COL22A1: variants seen among roughly 807,000 people sequenced by gnomAD.
The protein encoded by COL22A1 is collagen type XXII alpha 1 chain.
In COL22A1, 221 loss-of-function variants were observed where a neutral mutation model predicts 248.9. The observed-to-expected ratio is 0.89, with a 90% confidence interval of 0.80 to 0.99. The LOEUF (loss-of-function observed/expected upper bound fraction) is 0.99. Ranked by LOEUF, COL22A1 falls within the 50% of genes least tolerant of loss-of-function variation. The pLI is 0.00. For synonymous variants in COL22A1, 891 were observed against 793.4 expected (o/e 1.12, Z -2.07); for missense variants, 2,240 against 2,179.0 (o/e 1.03, Z -0.56).
chr8:138,884,933 G>A (rs1487182663), intron 1 of COL22A1, among the ~76,000 whole-genome samples: 1 of 152,092 alleles, frequency 6.6e-6, no homozygotes, highest in Non-Finnish European at 1.5e-5. Flanking sequence ...ATAGCAACAG[G>A]GCTGTGCCTG....
intron 36 of COL22A1, among the ~76,000 whole-genome samples, 187 bp from the exon 37 acceptor site, chr8:138,689,157 C>CA (rs1826613596): frequency 1.1e-5 from 1 of 87,620 alleles, no homozygotes; most frequent in Non-Finnish European, 2.5e-5. Flanking sequence ...TGCTGCTCTC[C>CA]CGGGGGGGGG....
intron 30 of COL22A1, among the ~76,000 whole-genome samples, chr8:138,714,542 G>T (rs1829285742): frequency 6.6e-6 from 1 of 152,174 alleles, no homozygotes; most frequent in Non-Finnish European, 1.5e-5. Flanking sequence ...CTCTGGGACA[G>T]CTCCCTCCCC....
intron 16 of COL22A1, among the ~76,000 whole-genome samples, chr8:138,772,962 G>GA (rs1834509303): frequency 6.6e-6 from 1 of 152,240 alleles, no homozygotes; most frequent in Non-Finnish European, 1.5e-5. Flanking sequence ...GCTGAGTGCT[G>GA]GGAGGCGTCT....
chr8:138,716,699 G>C, intron 28 of COL22A1, 126 bp downstream of exon 28: 1 of 717,540 alleles, frequency 1.4e-6, no homozygotes, highest in East Asian at 2.7e-5. Flanking sequence ...GTTTATCCTG[G>C]ACATATAGTG....
intron 54 of COL22A1, 105 bp from the exon 55 acceptor site, chr8:138,616,159 G>A (rs1819303585): frequency 1.2e-5 from 11 of 943,874 alleles, no homozygotes; most frequent in Non-Finnish European, 1.7e-5. Flanking sequence ...AGGCCCAGGG[G>A]CCCTGTCAAC....
In COL22A1 at chr8:138,663,688, T is replaced by C. The variant is rs140960138; in HGVS notation, c.3186+17A>G. On this transcript the variant is annotated intron_variant, in intron 42 of 64. Transcript: ENST00000303045. ...CCTCCCATAGAAACTCATCCCTTTA[T>C]TTAAAGCATACTGTACCGGGGATCC... 7,783 of 1,595,632 alleles carry C rather than the reference T, an allele frequency of 4.9e-3. 28 individuals carry two copies. The highest frequency in any genetic ancestry group is 5.6e-3 in the Non-Finnish European group (6,504 of 1,163,196).
At chr8:138,827,338 G>C (rs1200689099) in intron 5 of COL22A1, 1 of 159,874 alleles carries the variant, frequency 6.3e-6, no homozygotes, top group Non-Finnish European at 1.4e-5. Context: ...CTCACGAATG[G>C]GATTTGTGCC....
At chr8:138,710,197 G>C (rs1367435964) in intron 30 of COL22A1, among the ~76,000 whole-genome samples, 2 of 152,216 alleles carry the variant, frequency 1.3e-5, no homozygotes, top group Admixed American at 6.5e-5. Flanking sequence ...AAGGAGTACG[G>C]TGTTATTACA....
At chr8:138,676,821 C>T (rs1455096714) in intron 40 of COL22A1, among the ~76,000 whole-genome samples, 186 bp from the exon 41 acceptor site, 1 of 152,224 alleles carries the variant, frequency 6.6e-6, no homozygotes, top group Non-Finnish European at 1.5e-5. Flanking sequence ...TCAGGGACCA[C>T]AGCCACCAAC....
At chr8:138,797,347 T>TA (rs1450176316) in intron 11 of COL22A1, among the ~76,000 whole-genome samples, 1 of 152,198 alleles carries the variant, frequency 6.6e-6, no homozygotes, top group Non-Finnish European at 1.5e-5. Context: ...AATGGAATCA[T>TA]ATAATATGTG....
chr8:138,836,250 G>A (rs908481997), intron 4 of COL22A1, among the ~76,000 whole-genome samples: 3 of 152,042 alleles, frequency 2.0e-5, no homozygotes, highest in African/African-American at 7.2e-5. Flanking sequence ...CAGCCTGGGC[G>A]ACAGAGAGAG....
At position 138,770,224 on chromosome 8, in the gene COL22A1, C is replaced by A. The variant is rs576817080; in HGVS notation, c.1803+5742G>T. On this transcript the variant is annotated intron_variant, in intron 16 of 64. Transcript: ENST00000303045. ...TCAGGACTGGAATGTTTACAGCCAC[C>A]CAACGTTGTCTGGGAGACATGGTTT... 2.0e-5 allele frequency among the ~76,000 whole-genome samples: 3 copies of A among 152,286 alleles called. No individual in the cohort carries two copies. The East Asian group carries it at 5.8e-4, about 29-fold the overall frequency.
At chr8:138,834,643 T>TA (rs1563825146) in intron 4 of COL22A1, among the ~76,000 whole-genome samples, 1 of 152,102 alleles carries the variant, frequency 6.6e-6, no homozygotes, top group African/African-American at 2.4e-5. Flanking sequence ...ATTTCATCTG[T>TA]AAAAAGGGGA....
chr8:138,702,613 G>GA (rs35091276), intron 31 of COL22A1, among the ~76,000 whole-genome samples: 39,550 of 141,428 alleles, frequency 0.28, 5,302 homozygotes, highest in African/African-American at 0.33. Flanking sequence ...CATTAAAGTG[G>GA]AAAAAAAAAA....
intron 23 of COL22A1, among the ~76,000 whole-genome samples, chr8:138,725,855 T>C (rs1022519528): frequency 1.3e-5 from 2 of 151,768 alleles, no homozygotes; most frequent in Non-Finnish European, 1.5e-5. Flanking sequence ...TCATGAGTCA[T>C]TGAGCAGGGC....
intron 3 of COL22A1, among the ~76,000 whole-genome samples, chr8:138,854,267 G>T (rs1054995396): frequency 1.3e-5 from 2 of 152,170 alleles, no homozygotes; most frequent in African/African-American, 2.4e-5. Context: ...TCCACCATCT[G>T]CTGGGACATG....
At chr8:138,673,789 G>T (rs754508520) in intron 41 of COL22A1, among the ~76,000 whole-genome samples, 1 of 152,046 alleles carries the variant, frequency 6.6e-6, no homozygotes, top group Non-Finnish European at 1.5e-5. Flanking sequence ...CGTTCCCTGG[G>T]CATGCACCTG....
At chr8:138,824,581 AATGACAAATGGGG>A (rs1354887212) in intron 6 of COL22A1, among the ~76,000 whole-genome samples, 1 of 152,186 alleles carries the variant, frequency 6.6e-6, no homozygotes, top group African/African-American at 2.4e-5. Flanking sequence ...AGTTTACCCA[AATGACAAATGGGG>A]AAAATGTCAG....
chr8:138,662,736 T>C (rs1245150341), intron 42 of COL22A1, among the ~76,000 whole-genome samples: 1 of 152,030 alleles, frequency 6.6e-6, no homozygotes, highest in Non-Finnish European at 1.5e-5. Flanking sequence ...ACATGACCCC[T>C]CCATCTAGAG....
Sources: gnomAD v4.1 joint callset for allele counts (sites outside exome capture counted in the v4.1 genomes callset) on GRCh38, gnomAD v4.1.1 for gene constraint, MANE v1.5 for transcripts, NCBI Gene and HGNC (gene_info 2026-07-23, HGNC 2026-07-21) for gene names.